The following FAM149A variants were observed in gnomAD, a reference collection of about 807,000 sequenced individuals.
FAM149A encodes family with sequence similarity 149 member A, also known as protein FAM149A.
In FAM149A, 71 loss-of-function variants were observed where a neutral mutation model predicts 78.2. The observed-to-expected ratio is 0.91, with a 90% CI of 0.75 to 1.11. The LOEUF (loss-of-function observed/expected upper bound fraction) is 1.11, where lower values mean the gene tolerates loss of function less well. Ranked by LOEUF, FAM149A falls within the 50% of genes least tolerant of loss-of-function variation. FAM149A has a pLI of 0.00. For missense variants in FAM149A, 1,036 were observed against 971.0 expected, an observed-to-expected ratio of 1.07 and a Z score of -0.89; for synonymous variants, 446 against 410.5, an observed-to-expected ratio of 1.09 and a Z score of -1.04.
Position 186,105,201 on chromosome 4 carries a change from C to G in FAM149A, c.125C>G (p.Ser42Cys). 5.5e-6 allele frequency: 7 copies of G among 1,270,776 alleles called. No homozygotes were observed. The highest frequency in any genetic ancestry group is 7.1e-6 in the Non-Finnish European group (7 of 981,020). The allele number at this position is 1,270,776 out of a possible 1,614,324, so 78.7% of individuals were successfully genotyped here. The stretch of plus-strand genomic sequence containing the variant: ...GCTGCCGCTGCAGGGTCGGGGGGCT[C>G]CAGGGCGGGCACCCCGTTGGGTACC... The change falls in exon 1 of 14, where the codon TCC (serine) becomes TGC (cysteine). Residue 42 changes from serine (S) to cysteine (C), a missense_variant. Ser to Cys is a moderately radical substitution (Grantham distance 112). Coordinates refer to ENST00000389354, the MANE Select transcript of FAM149A (RefSeq NM_001367768.3).
chr4:186,137,011 T>TCTCTCTCTCC (rs2099323613), intron 1 of FAM149A, among the ~76,000 whole-genome samples: 1 of 137,582 alleles, frequency 7.3e-6, no homozygotes. Context: ...TCTCTCTCTC[T>TCTCTCTCTCC]CTCTCTCTAA....
chr4:186,109,527 G>A lies in FAM149A; in HGVS notation c.566+3885G>A, dbSNP rs114370150. 3.1e-4 allele frequency: 303 copies of A among 985,386 alleles called. 1 individual carries two copies. The African/African-American group carries it at 4.7e-3, about 15-fold the overall frequency. 61.0% of individuals were successfully genotyped at this position (985,386 alleles called of 1,614,324 possible). On this transcript the variant is annotated intron_variant, in intron 1 of 13. Coordinates refer to ENST00000389354, the MANE Select transcript of FAM149A (RefSeq NM_001367768.3). ...TTCCACCTCAAACCGATTGCTAGCT[G>A]AGTAATTCTGGGCAGGTCATTCATT...
chr4:186,172,036 T>C lies in FAM149A; in HGVS notation c.*49T>C. On this transcript the variant is annotated 3_prime_UTR_variant, in exon 14 of 14. Coordinates refer to ENST00000389354, the MANE Select transcript of FAM149A (RefSeq NM_001367768.3). ...AGCACCTGTGGCCTCGGCACACTGCTTATCACTTGAAAAATGGAGGAACAA... is the reference window on the plus strand; with the variant it reads ...AGCACCTGTGGCCTCGGCACACTGCCTATCACTTGAAAAATGGAGGAACAA... The C allele has an allele frequency of 6.3e-7, 1 of 1,587,524 alleles. No homozygotes were observed. Among genetic ancestry groups the C allele is most frequent in the Non-Finnish European group, 8.5e-7 (1 of 1,170,370 alleles).
rs1389765353 is a variant in FAM149A at position 186,164,047 on chromosome 4, C to G, written c.1889+414C>G. On this transcript the variant is annotated intron_variant, in intron 10 of 13. Transcript: ENST00000389354. The surrounding 1 kb of genome is among the most constrained non-coding windows in gnomAD (Gnocchi z 4.0). ...GGATTATCTTTAAGGATGCATTTTTCTCTATGTGGGAGTTTCAGCAAAGCT... is the reference window on the plus strand; with the variant it reads ...GGATTATCTTTAAGGATGCATTTTTGTCTATGTGGGAGTTTCAGCAAAGCT... 6.6e-6 allele frequency among the ~76,000 whole-genome samples: 1 copy of G among 152,156 alleles called. No individual in the cohort carries two copies. Among genetic ancestry groups the G allele is most frequent in the Non-Finnish European group, 1.5e-5 (1 of 68,026 alleles).
At position 186,105,300 on chromosome 4, in the gene FAM149A, C is replaced by T. The variant is rs902528516; in HGVS notation, c.224C>T (p.Ser75Phe). The T allele has an allele frequency of 5.9e-6, 7 of 1,183,494 alleles. No homozygotes were observed. Among genetic ancestry groups the T allele is most frequent in the South Asian group, 4.7e-5 (3 of 64,006 alleles). The allele number at this position is 1,183,494 out of a possible 1,614,324, so 73.3% of individuals were successfully genotyped here. A position where few individuals can be genotyped will look rare whatever the true frequency, so the allele number is the denominator to read the frequency against. ...CGGCGGTCGCCCGCCCCGCTGCTCT[C>T]CTCCCCCTACTCCCGGGGCTCCGCC... Residue 75 changes from serine (S) to phenylalanine (F), a missense_variant, in exon 1 of 14, where the codon TCC (serine) becomes TTC (phenylalanine). Physicochemically the swap from Ser to Phe is radical, Grantham distance 155. Coordinates refer to ENST00000389354, the MANE Select transcript of FAM149A (RefSeq NM_001367768.3).
intron 1 of FAM149A, among the ~76,000 whole-genome samples, chr4:186,113,700 G>A (rs1179318033): frequency 1.0e-3 from 152 of 150,706 alleles, no homozygotes; most frequent in African/African-American, 3.3e-3. Flanking sequence ...GTAGTTGAGC[G>A]GTTTTGAGTG....
chr4:186,130,574 G>C (rs1311396924), intron 1 of FAM149A, among the ~76,000 whole-genome samples: 1 of 151,084 alleles, frequency 6.6e-6, no homozygotes, highest in Non-Finnish European at 1.5e-5. Context: ...GCCCAGGCTG[G>C]TCTCAAACTC....
intron 1 of FAM149A, among the ~76,000 whole-genome samples, chr4:186,130,491 T>A (rs1179235823): frequency 1.3e-5 from 2 of 150,318 alleles, no homozygotes; most frequent in African/African-American, 4.9e-5. Context: ...TCCTCCCACC[T>A]CAGCCTCCCC....
chr4:186,133,356 G>A (rs936984111), intron 1 of FAM149A: 4 of 225,574 alleles, frequency 1.8e-5, no homozygotes, highest in Admixed American at 6.5e-5. Flanking sequence ...GTAACTCCCC[G>A]TTCCTTCCTC....
chr4:186,151,876 T>G (rs2276912), intron 3 of FAM149A, 27 bp from the exon 4 acceptor site: 4 of 1,611,192 alleles, frequency 2.5e-6, no homozygotes, highest in Non-Finnish European at 3.4e-6. Flanking sequence ...CTTGCAGTGT[T>G]GTAACCAAGT....
At chr4:186,167,338 G>T in intron 13 of FAM149A, 76 bp downstream of exon 13, 2 of 1,318,318 alleles carry the variant, frequency 1.5e-6, no homozygotes, top group South Asian at 1.2e-5. Flanking sequence ...AATGGAAGAT[G>T]ATCTACCTTG....
Position 186,104,760 on chromosome 4 carries a change from G to C in FAM149A, c.-317G>C, listed in dbSNP as rs1046385486. 6.7e-6 allele frequency among the ~76,000 whole-genome samples: 1 copy of C among 150,238 alleles called. No individual in the cohort carries two copies. The highest frequency in any genetic ancestry group is 2.4e-5 in the African/African-American group (1 of 40,892). On this transcript the variant is annotated 5_prime_UTR_variant, in exon 1 of 14. Transcript: ENST00000389354. Reference sequence around the variant, plus strand: ...AGCAACCGCGGGCGGCGGGCGGCGGGCGGCGGGCGTCTGGGGCGGGCGGCG... The same window carrying C: ...AGCAACCGCGGGCGGCGGGCGGCGGCCGGCGGGCGTCTGGGGCGGGCGGCG...
intron 1 of FAM149A, chr4:186,147,005 A>G: frequency 1.0e-6 from 1 of 982,190 alleles, no homozygotes; most frequent in Non-Finnish European, 1.2e-6. Context: ...TAAAATGTGA[A>G]AAGATCTATA....
chr4:186,166,521 C>T (rs1053026808), intron 11 of FAM149A, among the ~76,000 whole-genome samples: 6 of 151,956 alleles, frequency 3.9e-5, no homozygotes, highest in African/African-American at 1.2e-4. Context: ...TGTGGTGGCA[C>T]GTGCCTGTAA....
Position 186,144,185 on chromosome 4 carries a change from C to T in FAM149A, c.567-4988C>T, listed in dbSNP as rs371509279. 3 of 152,230 alleles carry T rather than the reference C, an allele frequency of 2.0e-5. No homozygotes were observed. The East Asian group carries it at 5.8e-4, about 29-fold the overall frequency. 9.4% of individuals were successfully genotyped at this position (152,230 alleles called of 1,614,324 possible). A position where few individuals can be genotyped will look rare whatever the true frequency, so the allele number is the denominator to read the frequency against. On this transcript the variant is annotated intron_variant, in intron 1 of 13. Coordinates refer to ENST00000389354, the MANE Select transcript of FAM149A (RefSeq NM_001367768.3). This position sits in a 1 kb window ranked among gnomAD's most constrained non-coding sequence, Gnocchi z 4.2. ...TTCCCTTAGCATGTGAAAATGACGG[C>T]TTGGCAGTTTCACCAGCTCACAGGA...
intron 7 of FAM149A, among the ~76,000 whole-genome samples, chr4:186,157,074 T>C (rs569729774): frequency 1.3e-5 from 2 of 152,354 alleles, no homozygotes; most frequent in South Asian, 4.1e-4. Context: ...TCTCTAATAA[T>C]GAGATATTTG....
intron 1 of FAM149A, chr4:186,129,915 G>A (rs1579817623): frequency 6.6e-6 from 1 of 152,188 alleles, no homozygotes; most frequent in Admixed American, 6.6e-5. Flanking sequence ...AGCATTGGTA[G>A]AAGTACCAAG....
At chr4:186,148,010 A>G (rs1033437028) in intron 1 of FAM149A, among the ~76,000 whole-genome samples, 1 of 152,204 alleles carries the variant, frequency 6.6e-6, no homozygotes, top group Non-Finnish European at 1.5e-5. Flanking sequence ...CAATCTGTAC[A>G]TGGTAATTAC....
intron 1 of FAM149A, among the ~76,000 whole-genome samples, chr4:186,142,270 G>A (rs2099326122): frequency 1.3e-5 from 2 of 152,108 alleles, no homozygotes; most frequent in African/African-American, 2.4e-5. Flanking sequence ...CACCATTGTC[G>A]GTTGGGTGTG....
Sources: gnomAD v4.1 joint callset for allele counts (sites outside exome capture counted in the v4.1 genomes callset) on GRCh38, gnomAD v4.1.1 for gene constraint, Gnocchi (gnomAD v3.1) non-coding constraint, MANE v1.5 for transcripts, NCBI Gene and HGNC (gene_info 2026-07-23, HGNC 2026-07-21) for gene names.